Variants in ACTR3C observed in about 807,000 individuals in gnomAD.
ACTR3C encodes the protein actin related protein 3C.
In ACTR3C, 18 loss-of-function variants were observed where a neutral mutation model predicts 26.3. The ratio of observed to expected loss-of-function variants is 0.68; its 90% confidence interval spans 0.47 to 1.01. The LOEUF (loss-of-function observed/expected upper bound fraction) is 1.01, where lower values mean the gene tolerates loss of function less well. ACTR3C is among the 50% of genes least tolerant of loss of function. The pLI, the probability that ACTR3C is intolerant of heterozygous loss-of-function variation, is 0.00. For missense variants in ACTR3C, 184 were observed against 250.7 expected (o/e 0.73, Z 1.80); for synonymous variants, 55 against 94.5 (o/e 0.58, Z 2.42).
the ACTR3C span, among the ~76,000 whole-genome samples, chr7:150,142,942 C>A: frequency 2.0e-5 from 3 of 152,094 alleles, no homozygotes; most frequent in African/African-American, 4.8e-5. Flanking sequence ...TCAAGTGATT[C>A]TTTTGCCTCA....
At chr7:150,314,985 T>A (rs1271770946) in intron 1 of ACTR3C, among the ~76,000 whole-genome samples, 3 of 147,554 alleles carry the variant, frequency 2.0e-5, no homozygotes, top group African/African-American at 4.9e-5. Flanking sequence ...GTATTATTTT[T>A]AATAATATTA....
At chr7:149,976,664 AAGT>A in the ACTR3C span, among the ~76,000 whole-genome samples, 2 of 151,946 alleles carry the variant, frequency 1.3e-5, no homozygotes, top group East Asian at 3.9e-4. Context: ...TGAATGATAA[AAGT>A]AAAAAAAAAT....
At chr7:150,048,003 C>T in the ACTR3C span, 2 of 1,204,956 alleles carry the variant, frequency 1.7e-6, no homozygotes, top group African/African-American at 3.2e-5. Context: ...GGCGACCGCT[C>T]CTCCCGCGCG....
chr7:150,164,033 C>T, the ACTR3C span, among the ~76,000 whole-genome samples: 1 of 152,258 alleles, frequency 6.6e-6, no homozygotes, highest in African/African-American at 2.4e-5. Flanking sequence ...GGATAAATAT[C>T]CCAGGCTAGG....
chr7:150,035,524 T>TG, the ACTR3C span, among the ~76,000 whole-genome samples: 2 of 87,862 alleles, frequency 2.3e-5, 1 homozygote, highest in Non-Finnish European at 4.6e-5. Context: ...CCCACTCTCG[T>TG]GGGGGGTGCC....
At chr7:150,017,206 C>G in the ACTR3C span, among the ~76,000 whole-genome samples, 1 of 151,818 alleles carries the variant, frequency 6.6e-6, no homozygotes, top group East Asian at 1.9e-4. Flanking sequence ...TGCAAAGTGA[C>G]CTTTTTCATA....
chr7:150,180,510 TC>T, the ACTR3C span, among the ~76,000 whole-genome samples: 1 of 137,460 alleles, frequency 7.3e-6, no homozygotes, highest in Non-Finnish European at 1.5e-5. Context: ...TAGTAGTATA[TC>T]TTTTTTTTTT....
chr7:150,002,300 T>G, the ACTR3C span: 3,304 of 152,278 alleles, frequency 0.022, 48 homozygotes, highest in Middle Eastern at 0.061. Flanking sequence ...CAAACATAAT[T>G]CAGCACACAG....
chr7:150,054,822 T>C, the ACTR3C span, among the ~76,000 whole-genome samples: 1 of 152,246 alleles, frequency 6.6e-6, no homozygotes, highest in Non-Finnish European at 1.5e-5. Context: ...CTATGTGCCA[T>C]TCATTGTGCT....
chr7:150,317,716 A>G (rs1797082046), intron 1 of ACTR3C, among the ~76,000 whole-genome samples: 1 of 152,190 alleles, frequency 6.6e-6, no homozygotes, highest in African/African-American at 2.4e-5. Context: ...TGAGGTGGAT[A>G]TATCTGATCA....
chr7:150,024,181 G>T, the ACTR3C span, among the ~76,000 whole-genome samples: 55 of 151,642 alleles, frequency 3.6e-4, no homozygotes, highest in African/African-American at 1.3e-3. Flanking sequence ...TGCACAGAGC[G>T]ACTTTACATT....
rs578116131 is a variant in ACTR3C at position 150,316,338 on chromosome 7, C to G, written c.-52+7131G>C. On this transcript the variant is annotated intron_variant, in intron 1 of 7. Coordinates refer to ENST00000683684, the MANE Select transcript of ACTR3C (RefSeq NM_001164458.2). ...TGGCTGTCAATACATTGCACACATA[C>G]ATAGTGTTTCGACTGTAGTAGCTTT... is the stretch of plus-strand genomic sequence containing the variant. Among the ~76,000 whole-genome samples the G allele has an allele frequency of 7.9e-5, 12 of 152,310 alleles. 1 individual carries two copies. The South Asian group carries it at 2.5e-3, about 32-fold the overall frequency.
chr7:150,056,113 G>A, the ACTR3C span, among the ~76,000 whole-genome samples: 4 of 152,264 alleles, frequency 2.6e-5, no homozygotes, highest in East Asian at 7.7e-4. Flanking sequence ...TGCTACTTTA[G>A]GTAGATCGGT....
chr7:150,098,486 A>C, the ACTR3C span, among the ~76,000 whole-genome samples: 1 of 151,872 alleles, frequency 6.6e-6, no homozygotes, highest in Non-Finnish European at 1.5e-5. Context: ...GAAAGCCTGC[A>C]CTGTGCTAAA....
chr7:150,007,820 A>AAT, the ACTR3C span, among the ~76,000 whole-genome samples: 4 of 151,836 alleles, frequency 2.6e-5, no homozygotes, highest in African/African-American at 9.7e-5. Flanking sequence ...AACACCCAAC[A>AAT]CAGTATTGTG....
the ACTR3C span, among the ~76,000 whole-genome samples, chr7:149,927,148 A>C: frequency 6.6e-6 from 1 of 151,794 alleles, no homozygotes; most frequent in Non-Finnish European, 1.5e-5. Flanking sequence ...CTGCCTCCAC[A>C]CTTCCACCCA....
chr7:149,907,675 C>T, the ACTR3C span, among the ~76,000 whole-genome samples: 2 of 151,586 alleles, frequency 1.3e-5, no homozygotes, highest in Non-Finnish European at 2.9e-5. Flanking sequence ...ACTGTCTTCG[C>T]TTCCCGTCTC....
At chr7:150,172,785 T>C in the ACTR3C span, among the ~76,000 whole-genome samples, 2 of 150,734 alleles carry the variant, frequency 1.3e-5, no homozygotes, top group African/African-American at 2.5e-5. Context: ...TGGGTAAATA[T>C]AGCTGTTCCA....
At chr7:150,164,561 C>A in the ACTR3C span, among the ~76,000 whole-genome samples, 2 of 151,598 alleles carry the variant, frequency 1.3e-5, no homozygotes, top group Non-Finnish European at 2.9e-5. Flanking sequence ...ATGCATTTCC[C>A]GAATAGGCAA....
Sources: allele counts gnomAD v4.1 joint callset (sites outside exome capture counted in the v4.1 genomes callset), GRCh38; gene constraint gnomAD v4.1.1; transcripts MANE v1.5; gene names NCBI Gene and HGNC (gene_info 2026-07-23, HGNC 2026-07-21).